ATXN1: variants seen among roughly 807,000 people sequenced by gnomAD.
The protein encoded by ATXN1 is ataxin 1.
A neutral mutation model predicts 56.4 loss-of-function variants in ATXN1; 8 were observed. That is an observed-to-expected ratio of 0.14 (90% CI 0.08 to 0.26). The LOEUF is 0.26. ATXN1 is among the 10% of genes least tolerant of loss of function. The pLI is 1.00. For missense variants in ATXN1, 987 were observed against 1,106.5 expected (o/e 0.89, Z 1.53); for synonymous variants, 514 against 494.6 (o/e 1.04, Z -0.52).
chr6:16,755,718 TAAAAA>T (rs368926707), intron 1 of ATXN1, among the ~76,000 whole-genome samples: 2 of 134,864 alleles, frequency 1.5e-5, no homozygotes, highest in African/African-American at 2.8e-5. Flanking sequence ...CACCTAAGTG[TAAAAA>T]AAAAAAAAAA....
intron 4 of ATXN1, among the ~76,000 whole-genome samples, chr6:16,549,901 A>AG (rs1736384655): frequency 6.7e-6 from 1 of 149,904 alleles, no homozygotes; most frequent in African/African-American, 2.5e-5. Context: ...TGTCTCAAAA[A>AG]AAAAAAAAAA....
intron 6 of ATXN1, among the ~76,000 whole-genome samples, chr6:16,481,276 C>CAG (rs1427145025): frequency 2.0e-5 from 3 of 152,080 alleles, no homozygotes; most frequent in African/African-American, 7.2e-5. Context: ...TTATCTACTT[C>CAG]AGATTTTTTT....
At chr6:16,655,169 A>G (rs1758169473) in intron 3 of ATXN1, among the ~76,000 whole-genome samples, 1 of 152,236 alleles carries the variant, frequency 6.6e-6, no homozygotes, top group Non-Finnish European at 1.5e-5. Context: ...AAAAAGTCAG[A>G]TCCCCTAAAG....
intron 6 of ATXN1, among the ~76,000 whole-genome samples, chr6:16,366,386 A>G (rs1761919803): frequency 6.6e-6 from 1 of 152,130 alleles, no homozygotes; most frequent in South Asian, 2.1e-4. Context: ...CCTTTGCAAC[A>G]ATCAGAAGCA....
At chr6:16,633,761 G>C (rs1763546169) in intron 3 of ATXN1, among the ~76,000 whole-genome samples, 1 of 152,322 alleles carries the variant, frequency 6.6e-6, no homozygotes, top group East Asian at 1.9e-4. Flanking sequence ...CTAATTAATA[G>C]AAAGTGAAGC....
intron 4 of ATXN1, among the ~76,000 whole-genome samples, chr6:16,574,764 G>A (rs1363958997): frequency 6.6e-6 from 1 of 150,902 alleles, no homozygotes; most frequent in East Asian, 1.9e-4. Context: ...CCTGGGTCAC[G>A]ACTACTCAAC....
chr6:16,577,068 G>T (rs1050888063), intron 4 of ATXN1, among the ~76,000 whole-genome samples: 1 of 152,132 alleles, frequency 6.6e-6, no homozygotes, highest in Non-Finnish European at 1.5e-5. Context: ...TCTTCATCAT[G>T]TGGCATGCTA....
chr6:16,693,055 T>C (rs1487063909), intron 2 of ATXN1, among the ~76,000 whole-genome samples: 1 of 152,186 alleles, frequency 6.6e-6, no homozygotes, highest in Non-Finnish European at 1.5e-5. Flanking sequence ...GTGCATGCCC[T>C]AACTTCTCTG....
intron 2 of ATXN1, among the ~76,000 whole-genome samples, chr6:16,711,588 T>TAAA: frequency 6.8e-6 from 1 of 147,056 alleles, no homozygotes; most frequent in Non-Finnish European, 1.5e-5. Context: ...GTTCACAAAA[T>TAAA]AAAAAAAAAA....
chr6:16,438,420 A>T (rs1759437006), intron 6 of ATXN1, among the ~76,000 whole-genome samples: 1 of 152,242 alleles, frequency 6.6e-6, no homozygotes, highest in African/African-American at 2.4e-5. Flanking sequence ...TACAACACAT[A>T]ATAGGACACA....
At chr6:16,583,624 G>A (rs1295523086) in intron 4 of ATXN1, among the ~76,000 whole-genome samples, 1 of 152,198 alleles carries the variant, frequency 6.6e-6, no homozygotes, top group Non-Finnish European at 1.5e-5. Flanking sequence ...CTGTACCACA[G>A]GAGCTAGGCA....
chr6:16,467,351 C>T (rs1422300332), intron 6 of ATXN1, among the ~76,000 whole-genome samples: 4 of 152,216 alleles, frequency 2.6e-5, no homozygotes, highest in Non-Finnish European at 5.9e-5. Flanking sequence ...TAGCATGAAG[C>T]GTGGTTATTC....
chr6:16,620,262 A>AACAC (rs60586256), intron 3 of ATXN1, among the ~76,000 whole-genome samples: 4,915 of 137,434 alleles, frequency 0.036, 105 homozygotes, highest in Middle Eastern at 0.041. Context: ...CTGTCTCTCA[A>AACAC]ACACACACAC....
chr6:16,620,690 C>G (rs1763304842), intron 3 of ATXN1, among the ~76,000 whole-genome samples: 1 of 152,182 alleles, frequency 6.6e-6, no homozygotes, highest in Non-Finnish European at 1.5e-5. Flanking sequence ...TATATGCCCC[C>G]CCAAAAGGCT....
chr6:16,748,499 T>C (rs528369916), intron 2 of ATXN1, among the ~76,000 whole-genome samples: 1 of 152,162 alleles, frequency 6.6e-6, no homozygotes, highest in Non-Finnish European at 1.5e-5. Context: ...TTGGGGAAAT[T>C]ATTCACCCTC....
intron 6 of ATXN1, among the ~76,000 whole-genome samples, chr6:16,421,243 T>C (rs1759025915): frequency 6.6e-6 from 1 of 152,034 alleles, no homozygotes; most frequent in Non-Finnish European, 1.5e-5. Flanking sequence ...AAGACATGAG[T>C]TCACATGCAG....
intron 2 of ATXN1, among the ~76,000 whole-genome samples, chr6:16,749,434 G>A (rs1484198317): frequency 6.6e-6 from 1 of 152,148 alleles, no homozygotes; most frequent in Non-Finnish European, 1.5e-5. Context: ...AATTTCAAAC[G>A]CAGCATTCAT....
At chr6:16,689,668 G>T (rs1759003129) in intron 2 of ATXN1, among the ~76,000 whole-genome samples, 1 of 151,670 alleles carries the variant, frequency 6.6e-6, no homozygotes, top group Admixed American at 6.6e-5. Flanking sequence ...GTTATAATGT[G>T]ATGTTTTGAT....
At position 16,761,307 on chromosome 6, in the gene ATXN1, TA is replaced by T. The variant is rs1761093799; in HGVS notation, c.-740del. 4.4e-6 allele frequency: 2 copies of T among 451,232 alleles called. No homozygotes were observed. The highest frequency in any genetic ancestry group is 4.4e-6 in the Non-Finnish European group (1 of 225,270). The allele number at this position is 451,232 out of a possible 1,614,324, so 28.0% of individuals were successfully genotyped here. On this transcript the variant is annotated 5_prime_UTR_variant, in exon 1 of 8. Transcript: ENST00000436367. ...AAAAATAGTCACTTACTGTAAAGTG[TA>T]AATGGATCTGGGGTTGCGTGGGGAA... is the stretch of plus-strand genomic sequence containing the variant.
Sources: allele counts gnomAD v4.1 joint callset (sites outside exome capture counted in the v4.1 genomes callset), GRCh38; gene constraint gnomAD v4.1.1; transcripts MANE v1.5; gene names NCBI Gene and HGNC (gene_info 2026-07-23, HGNC 2026-07-21).